SEPTIN8: variants seen among roughly 807,000 people sequenced by gnomAD.
SEPTIN8 encodes septin 8.
SEPTIN8 carries 22 observed loss-of-function variants against 53.1 expected under a neutral mutation model. That is an observed-to-expected ratio of 0.41 (90% CI 0.30 to 0.59). The LOEUF (loss-of-function observed/expected upper bound fraction) is 0.59, where lower values mean the gene tolerates loss of function less well. SEPTIN8 is among the 20% of genes least tolerant of loss of function. The probability of loss-of-function intolerance (pLI) is 0.24; values close to 1 mark genes in which losing one functional copy is unlikely to be tolerated. For missense variants in SEPTIN8, 536 were observed against 638.7 expected, an observed-to-expected ratio of 0.84 and a Z score of 1.73; for synonymous variants, 228 against 248.4, an observed-to-expected ratio of 0.92 and a Z score of 0.77.
chr5:132,756,025 A>G (rs1179907946), intron 9 of SEPTIN8: 1 of 985,298 alleles, frequency 1.0e-6, no homozygotes, highest in Non-Finnish European at 1.2e-6. Flanking sequence ...GCAAAATTTA[A>G]TGAAAAAAAT....
Position 132,777,045 on chromosome 5 carries a change from G to C in SEPTIN8, c.30+63C>G, listed in dbSNP as rs1454433233. 9.7e-7 allele frequency: 1 copy of C among 1,033,690 alleles called. No homozygotes were observed. The allele number at this position is 1,033,690 out of a possible 1,614,324, so 64.0% of individuals were successfully genotyped here. On this transcript the variant is annotated intron_variant, in intron 1 of 9. Transcript: ENST00000378719. The surrounding 1 kb of genome is among the most constrained non-coding windows in gnomAD (Gnocchi z 4.1). ...GCCCGCTTCGCGCCCCCCGCCAGCT[G>C]CAGGGCGGCCCCTCCTGCGCCCCGC...
At chr5:132,763,630 A>C in intron 4 of SEPTIN8, 76 bp downstream of exon 4, 3 of 1,388,482 alleles carry the variant, frequency 2.2e-6, no homozygotes, top group Non-Finnish European at 3.0e-6. Context: ...CATGGTGTTC[A>C]GGCATGAGGC....
intron 9 of SEPTIN8, chr5:132,757,219 A>G (rs1202928645): frequency 1.0e-6 from 1 of 982,884 alleles, no homozygotes; most frequent in Non-Finnish European, 1.2e-6. Flanking sequence ...TCAAGCTTTC[A>G]GCCCCATAAA....
intron 9 of SEPTIN8, chr5:132,759,070 C>G (rs1423311728): frequency 1.5e-6 from 1 of 653,184 alleles, no homozygotes; most frequent in African/African-American, 1.8e-5. Flanking sequence ...CATAACCAAT[C>G]AAAACCACTC....
intron 1 of SEPTIN8, among the ~76,000 whole-genome samples, chr5:132,772,061 C>A (rs542567487): frequency 2.7e-4 from 41 of 152,274 alleles, no homozygotes; most frequent in African/African-American, 9.1e-4. Context: ...TGACGGCAGT[C>A]AAGGTAACAG....
chr5:132,754,382 A>C, intron 9 of SEPTIN8: 3 of 717,314 alleles, frequency 4.2e-6, no homozygotes, highest in Non-Finnish European at 5.2e-6. Context: ...ACCACAGTGC[A>C]TGAGGCAGAA....
At position 132,770,107 on chromosome 5, in the gene SEPTIN8, A is replaced by ATG. The variant is rs1227559427; in HGVS notation, c.31-4580_31-4579dup. Among the ~76,000 whole-genome samples, 205 of 28,652 alleles carry ATG rather than the reference A, an allele frequency of 7.2e-3. 4 individuals are homozygous for ATG. Among genetic ancestry groups the ATG allele is most frequent in the South Asian group, 0.025 (18 of 710 alleles). The allele number at this position is 28,652 out of a possible 152,430, so 18.8% of individuals were successfully genotyped here. ...TATATATGTATATATATATGTATAT[A>ATG]TGTATATATATATATATGTATATAT... On this transcript the variant is annotated intron_variant, in intron 1 of 9. Coordinates refer to ENST00000378719, the MANE Select transcript of SEPTIN8 (RefSeq NM_001098811.2).
upstream of SEPTIN8, among the ~76,000 whole-genome samples, chr5:132,778,524 G>C (rs1449314155): frequency 6.6e-6 from 1 of 151,800 alleles, no homozygotes; most frequent in Non-Finnish European, 1.5e-5. Context: ...TTTTCACTTT[G>C]CTCCTCTCTC....
chr5:132,759,892 G>T (rs1253286540), intron 9 of SEPTIN8, among the ~76,000 whole-genome samples: 1 of 152,178 alleles, frequency 6.6e-6, no homozygotes, highest in Non-Finnish European at 1.5e-5. Flanking sequence ...TGTGGAAACA[G>T]GCTATGAAGA....
rs551576641 is a variant in SEPTIN8 at position 132,772,279 on chromosome 5, A to G, written c.30+4829T>C. ...AGTGTGTTTCAAGCTTTTCCCATCA[A>G]AATCAGATTTCCAGGAAGCTAAGAG... On this transcript the variant is annotated intron_variant, in intron 1 of 9. Transcript: ENST00000378719. Among the ~76,000 whole-genome samples the G allele has an allele frequency of 2.6e-5, 4 of 152,264 alleles. No individual in the cohort carries two copies. The East Asian group carries it at 7.7e-4, about 29-fold the overall frequency.
At position 132,765,428 on chromosome 5, in the gene SEPTIN8, G is replaced by A. The variant is rs762178175; in HGVS notation, c.132C>T (p.Ser44=). 3 of 1,613,736 alleles carry A rather than the reference G, an allele frequency of 1.9e-6. No individual in the cohort carries two copies. Among genetic ancestry groups the A allele is most frequent in the South Asian group, 2.2e-5 (2 of 91,080 alleles). ...LVSKSVTQGF[S]FNILCVGETG... Reference sequence around the variant, plus strand: ...ACTCACCCACACAGAGGATGTTGAAGCTGAAGCCCTGAGTGACCGACTTGC... The same window carrying A: ...ACTCACCCACACAGAGGATGTTGAAACTGAAGCCCTGAGTGACCGACTTGC... The change falls in exon 2 of 10, where the codon AGC becomes AGT. Residue 44 remains serine, a synonymous_variant. Coordinates refer to ENST00000378719, the MANE Select transcript of SEPTIN8 (RefSeq NM_001098811.2).
chr5:132,751,703 A>T lies in SEPTIN8; in HGVS notation c.*313T>A, dbSNP rs1280953716. On this transcript the variant is annotated 3_prime_UTR_variant, in exon 10 of 10. Coordinates refer to ENST00000378719, the MANE Select transcript of SEPTIN8 (RefSeq NM_001098811.2). The stretch of plus-strand genomic sequence containing the variant: ...TGTTTCTATTTTTCAGAATGGAAAC[A>T]TTGTCATCTAGGTACTTTCCGCTCA... 1.8e-6 allele frequency: 1 copy of T among 548,116 alleles called. No homozygotes were observed. The highest frequency in any genetic ancestry group is 3.0e-5 in the East Asian group (1 of 32,886). The allele number at this position is 548,116 out of a possible 1,614,324, so 34.0% of individuals were successfully genotyped here.
intron 9 of SEPTIN8, chr5:132,758,643 G>GGGGCAGCCTGGGGCCAGGGTC: frequency 6.3e-7 from 1 of 1,591,368 alleles, no homozygotes; most frequent in Non-Finnish European, 8.6e-7. Context: ...CGCCAGGCCC[G>GGGGCAGCCTGGGGCCAGGGTC]GGGCAGCCTG....
At position 132,751,999 on chromosome 5, in the gene SEPTIN8, G is replaced by A. The variant is rs199927703; in HGVS notation, c.*17C>T. On this transcript the variant is annotated 3_prime_UTR_variant, in exon 10 of 10. Coordinates refer to ENST00000378719, the MANE Select transcript of SEPTIN8 (RefSeq NM_001098811.2). ...CCTGGTGGTCCTGAGCTGGCCCCAT[G>A]TGTTGGAGCTGCTGCCTCAGAGGAA... is the stretch of plus-strand genomic sequence containing the variant. 5.6e-6 allele frequency: 9 copies of A among 1,612,232 alleles called. No homozygotes were observed. Among genetic ancestry groups the A allele is most frequent in the African/African-American group, 1.3e-5 (1 of 75,030 alleles).
chr5:132,778,336 G>C (rs903643257), upstream of SEPTIN8: 1 of 142,878 alleles, frequency 7.0e-6, no homozygotes, highest in Non-Finnish European at 1.5e-5. Flanking sequence ...TCAGAAACTT[G>C]TGCTGACTGG....
At chr5:132,779,860 G>A (rs976569870), upstream of SEPTIN8, among the ~76,000 whole-genome samples, 1 of 151,880 alleles carries the variant, frequency 6.6e-6, no homozygotes, top group Non-Finnish European at 1.5e-5. Flanking sequence ...TATCACAGAC[G>A]ACATTTCTGT....
chr5:132,778,823 A>C (rs1412719248), upstream of SEPTIN8, among the ~76,000 whole-genome samples: 1 of 152,240 alleles, frequency 6.6e-6, no homozygotes, highest in Non-Finnish European at 1.5e-5. Context: ...CCTTAATCTC[A>C]GAGCCCAGAG....
rs1489675766 is a variant in SEPTIN8 at position 132,776,453 on chromosome 5, G to C, written c.30+655C>G. On this transcript the variant is annotated intron_variant, in intron 1 of 9. Coordinates refer to ENST00000378719, the MANE Select transcript of SEPTIN8 (RefSeq NM_001098811.2). This position sits in a 1 kb window ranked among gnomAD's most constrained non-coding sequence, Gnocchi z 4.4. Reference sequence around the variant, plus strand: ...GACCTGGACTGGAGCCCAAATAAACGCCCACTGGGCTGAGTCTGGAATCCC... The same window carrying C: ...GACCTGGACTGGAGCCCAAATAAACCCCCACTGGGCTGAGTCTGGAATCCC... Among the ~76,000 whole-genome samples, 1 of 152,174 alleles carries C rather than the reference G, an allele frequency of 6.6e-6. No individual in the cohort carries two copies. The highest frequency in any genetic ancestry group is 1.5e-5 in the Non-Finnish European group (1 of 68,032).
chr5:132,762,602 T>C lies in SEPTIN8; in HGVS notation c.578A>G (p.Lys193Arg). ...PIIAKADTIS[K>R]SELHKFKIKI... ...GATCTTGAACTTGTGGAGCTCGCTC[T>C]TGGAGATGGTGTCAGCCTTGGCGAT... The change falls in exon 5 of 10, where the codon AAG becomes AGG. Residue 193 changes from lysine to arginine, a missense_variant. Lys to Arg is a conservative substitution (Grantham distance 26). Coordinates refer to ENST00000378719, the MANE Select transcript of SEPTIN8 (RefSeq NM_001098811.2). 1 of 1,614,250 alleles carries C rather than the reference T, an allele frequency of 6.2e-7. No individual in the cohort carries two copies. Among genetic ancestry groups the C allele is most frequent in the Non-Finnish European group, 8.5e-7 (1 of 1,180,036 alleles).
Sources: allele counts gnomAD v4.1 joint callset (sites outside exome capture counted in the v4.1 genomes callset), GRCh38; gene constraint gnomAD v4.1.1; non-coding constraint Gnocchi (gnomAD v3.1); transcripts MANE v1.5; gene names NCBI Gene and HGNC (gene_info 2026-07-23, HGNC 2026-07-21).